TENM3: variants seen among roughly 807,000 people sequenced by gnomAD.
TENM3 encodes teneurin transmembrane protein 3.
A neutral mutation model predicts 255.1 loss-of-function variants in TENM3; 63 were observed. That is an observed-to-expected ratio of 0.25 (90% CI 0.20 to 0.30). The LOEUF is 0.30. Ranked by LOEUF, TENM3 falls within the 10% of genes least tolerant of loss-of-function variation. The pLI is 1.00. For synonymous variants in TENM3, 1,306 were observed against 1,322.3 expected (o/e 0.99, Z 0.27); for missense variants, 2,929 against 3,461.1 (o/e 0.85, Z 3.86).
chr4:182,333,837 AAAG>A (rs1763929170), intron 2 of TENM3, among the ~76,000 whole-genome samples: 1 of 152,242 alleles, frequency 6.6e-6, no homozygotes, highest in Non-Finnish European at 1.5e-5. Context: ...AAATTAAAAA[AAAG>A]GAATTTGAAG....
intron 6 of TENM3, among the ~76,000 whole-genome samples, chr4:182,656,539 C>T (rs1401817969): frequency 1.3e-5 from 2 of 152,130 alleles, no homozygotes; most frequent in Non-Finnish European, 2.9e-5. Flanking sequence ...CACCACCACC[C>T]ACCACCCACT....
rs547361785 is a variant in TENM3 at position 182,801,961 on chromosome 4, A to C, written c.*1610A>C. 17 of 152,806 alleles carry C rather than the reference A, an allele frequency of 1.1e-4. No homozygotes were observed. Among genetic ancestry groups the C allele is most frequent in the African/African-American group, 3.8e-4 (16 of 41,594 alleles). 9.5% of individuals were successfully genotyped at this position (152,806 alleles called of 1,614,324 possible). ...ATTTTTAGAAGATATTTCTCAGTTCATCGAGCTATAGTACACACTGTTTTC... is the reference window on the plus strand; with the variant it reads ...ATTTTTAGAAGATATTTCTCAGTTCCTCGAGCTATAGTACACACTGTTTTC... On this transcript the variant is annotated 3_prime_UTR_variant, in exon 28 of 28. Transcript: ENST00000511685.
intron 3 of TENM3, among the ~76,000 whole-genome samples, chr4:182,544,515 G>C (rs2151903748): frequency 6.6e-6 from 1 of 151,916 alleles, no homozygotes; most frequent in African/African-American, 2.4e-5. Flanking sequence ...ATTTTTAGTA[G>C]AGACAGAGTT....
chr4:181,928,761 T>C, the TENM3 span, among the ~76,000 whole-genome samples: 1 of 151,664 alleles, frequency 6.6e-6, no homozygotes, highest in Non-Finnish European at 1.5e-5. Context: ...AGGAAAAAAA[T>C]GTTAAGGGCA....
At chr4:181,980,694 C>T in the TENM3 span, among the ~76,000 whole-genome samples, 1 of 152,046 alleles carries the variant, frequency 6.6e-6, no homozygotes, top group South Asian at 2.1e-4. Context: ...TTCTAATTTT[C>T]AAATGTAAAA....
At chr4:181,606,104 T>G in the TENM3 span, among the ~76,000 whole-genome samples, 2 of 152,270 alleles carry the variant, frequency 1.3e-5, no homozygotes, top group South Asian at 4.1e-4. Flanking sequence ...TACCCTCAGA[T>G]TACATCCTAT....
the TENM3 span, among the ~76,000 whole-genome samples, chr4:181,963,162 A>G: frequency 2.0e-5 from 3 of 152,220 alleles, no homozygotes; most frequent in Admixed American, 6.5e-5. Flanking sequence ...ATTTGGCCAT[A>G]CTGCTTCTAC....
chr4:182,606,727 C>T (rs1265753860), intron 4 of TENM3, among the ~76,000 whole-genome samples: 2 of 152,040 alleles, frequency 1.3e-5, no homozygotes, highest in African/African-American at 4.8e-5. Flanking sequence ...AGAGTAAAAG[C>T]CCTATTTTTT....
At chr4:182,426,224 A>G (rs1053929672) in intron 3 of TENM3, among the ~76,000 whole-genome samples, 22 of 152,148 alleles carry the variant, frequency 1.4e-4, no homozygotes, top group African/African-American at 4.8e-4. Flanking sequence ...CAAAGAAATC[A>G]GTTTACTTGA....
At chr4:182,393,442 A>G (rs1471380704) in intron 3 of TENM3, among the ~76,000 whole-genome samples, 2 of 152,230 alleles carry the variant, frequency 1.3e-5, no homozygotes, top group Admixed American at 6.5e-5. Flanking sequence ...GAAAATCAAA[A>G]TGAGATGGCT....
the TENM3 span, among the ~76,000 whole-genome samples, chr4:181,887,294 A>C: frequency 4.6e-5 from 7 of 152,242 alleles, no homozygotes; most frequent in African/African-American, 1.4e-4. Flanking sequence ...CCAGAACCCA[A>C]ACTTACAGTA....
At chr4:181,888,018 T>G in the TENM3 span, among the ~76,000 whole-genome samples, 1 of 152,108 alleles carries the variant, frequency 6.6e-6, no homozygotes, top group Non-Finnish European at 1.5e-5. Context: ...TTCTATTCTA[T>G]TCTAGCCTAT....
At chr4:181,762,549 TTCATTTTTG>T in the TENM3 span, among the ~76,000 whole-genome samples, 1 of 152,160 alleles carries the variant, frequency 6.6e-6, no homozygotes, top group African/African-American at 2.4e-5. Context: ...GCAGGTCAAC[TTCATTTTTG>T]GCTCAACTAA....
chr4:181,605,570 GA>G, the TENM3 span, among the ~76,000 whole-genome samples: 83 of 24,822 alleles, frequency 3.3e-3, 15 homozygotes, highest in African/African-American at 7.3e-3. Flanking sequence ...AAGAAAGAAA[GA>G]GAGAGAAAGA....
chr4:181,547,789 C>T, the TENM3 span, among the ~76,000 whole-genome samples: 1 of 151,712 alleles, frequency 6.6e-6, no homozygotes, highest in East Asian at 1.9e-4. Context: ...TTGTAATTTC[C>T]ATTGATATTT....
chr4:182,354,888 C>T (rs1219183156), intron 3 of TENM3, among the ~76,000 whole-genome samples: 1 of 152,146 alleles, frequency 6.6e-6, no homozygotes, highest in Non-Finnish European at 1.5e-5. Context: ...GAATAGATTT[C>T]TTATTTAGTA....
the TENM3 span, among the ~76,000 whole-genome samples, chr4:181,640,529 A>G: frequency 6.6e-6 from 1 of 152,076 alleles, no homozygotes; most frequent in African/African-American, 2.4e-5. Context: ...GCTGTCTCAA[A>G]TGATGTAAAA....
intron 3 of TENM3, among the ~76,000 whole-genome samples, chr4:182,374,953 C>T (rs1424411944): frequency 6.6e-6 from 1 of 152,122 alleles, no homozygotes; most frequent in Non-Finnish European, 1.5e-5. Context: ...ATGGAGTCTT[C>T]TTTATTATTT....
chr4:181,857,950 G>A, the TENM3 span, among the ~76,000 whole-genome samples: 1 of 152,154 alleles, frequency 6.6e-6, no homozygotes, highest in African/African-American at 2.4e-5. Context: ...TGTAACCAGA[G>A]TCCCCTTCCC....
Sources: allele counts gnomAD v4.1 joint callset (sites outside exome capture counted in the v4.1 genomes callset), GRCh38; gene constraint gnomAD v4.1.1; transcripts MANE v1.5; gene names NCBI Gene and HGNC (gene_info 2026-07-23, HGNC 2026-07-21).